SLC35D4: variants seen among roughly 807,000 people sequenced by gnomAD.
SLC35D4 encodes UDP-N-acetylglucosamine transporter SLC35D4.
the SLC35D4 span, among the ~76,000 whole-genome samples, chr18:23,344,551 CT>C: frequency 1.4e-5 from 2 of 143,720 alleles, no homozygotes; most frequent in African/African-American, 5.2e-5. Context: ...CAGATATTTT[CT>C]CCTAGGCTGT....
the SLC35D4 span, among the ~76,000 whole-genome samples, chr18:23,363,120 C>A: frequency 2.6e-5 from 4 of 151,500 alleles, no homozygotes; most frequent in East Asian, 5.9e-4. Flanking sequence ...TGGCAGGTGC[C>A]TATAATCCCA....
the SLC35D4 span, among the ~76,000 whole-genome samples, chr18:23,370,905 A>G: frequency 6.6e-6 from 1 of 152,206 alleles, no homozygotes; most frequent in South Asian, 2.1e-4. Flanking sequence ...TTGGAAATGG[A>G]AACATTTGAG....
chr18:23,254,804 T>A, the SLC35D4 span, among the ~76,000 whole-genome samples: 1 of 152,160 alleles, frequency 6.6e-6, no homozygotes, highest in Non-Finnish European at 1.5e-5. Flanking sequence ...CATCTAGACC[T>A]AATCACTCCC....
At chr18:23,288,010 C>A in the SLC35D4 span, among the ~76,000 whole-genome samples, 1 of 152,188 alleles carries the variant, frequency 6.6e-6, no homozygotes, top group Non-Finnish European at 1.5e-5. Context: ...TATTTTCTTC[C>A]TCACACCTGA....
At chr18:23,363,821 G>T in the SLC35D4 span, among the ~76,000 whole-genome samples, 1 of 152,142 alleles carries the variant, frequency 6.6e-6, no homozygotes, top group Admixed American at 6.5e-5. Context: ...GCCATTTAGG[G>T]TTACCAGTAT....
chr18:23,275,114 G>A, the SLC35D4 span, among the ~76,000 whole-genome samples: 1 of 151,544 alleles, frequency 6.6e-6, no homozygotes, highest in Non-Finnish European at 1.5e-5. Flanking sequence ...TTTTGTGTGT[G>A]CATGTGTGTG....
the SLC35D4 span, among the ~76,000 whole-genome samples, chr18:23,301,769 ACC>A: frequency 6.6e-6 from 1 of 152,224 alleles, no homozygotes; most frequent in Admixed American, 6.5e-5. Context: ...TGACAAGGAT[ACC>A]GCTCTCAGGT....
the SLC35D4 span, among the ~76,000 whole-genome samples, chr18:23,373,540 G>C: frequency 6.6e-6 from 1 of 152,198 alleles, no homozygotes; most frequent in Non-Finnish European, 1.5e-5. Flanking sequence ...CAAAGGCCTG[G>C]GGAAATGGTG....
the SLC35D4 span, among the ~76,000 whole-genome samples, chr18:23,294,513 C>G: frequency 6.6e-6 from 1 of 152,186 alleles, no homozygotes; most frequent in Non-Finnish European, 1.5e-5. Context: ...TTATCCTCTG[C>G]CTCTTGCTGG....
At chr18:23,246,461 G>A in the SLC35D4 span, among the ~76,000 whole-genome samples, 1 of 151,896 alleles carries the variant, frequency 6.6e-6, no homozygotes, top group East Asian at 1.9e-4. Flanking sequence ...GCAAGATCTT[G>A]GCTCACTGCA....
At chr18:23,308,882 G>GTC in the SLC35D4 span, among the ~76,000 whole-genome samples, 1 of 134,168 alleles carries the variant, frequency 7.5e-6, no homozygotes, top group Non-Finnish European at 1.6e-5. Flanking sequence ...CTCTCTGTGT[G>GTC]TGTGTGTGTG....
At chr18:23,298,318 G>A in the SLC35D4 span, among the ~76,000 whole-genome samples, 27 of 152,274 alleles carry the variant, frequency 1.8e-4, no homozygotes, top group South Asian at 4.4e-3. Context: ...AAGGTGAAGC[G>A]TCCCACACAT....
chr18:23,356,784 A>G, the SLC35D4 span: 4 of 768,938 alleles, frequency 5.2e-6, no homozygotes, highest in Non-Finnish European at 8.7e-6. This position sits in a 1 kb window ranked among gnomAD's most constrained non-coding sequence, Gnocchi z 4.1. Flanking sequence ...GTCCCCTGGC[A>G]TTGAATTCAC....
the SLC35D4 span, among the ~76,000 whole-genome samples, chr18:23,353,076 A>T: frequency 4.7e-4 from 59 of 126,604 alleles, no homozygotes; most frequent in African/African-American, 1.6e-3. Context: ...TGAGACAGAC[A>T]GTGTGTGTGT....
the SLC35D4 span, among the ~76,000 whole-genome samples, chr18:23,393,254 C>T: frequency 6.6e-6 from 1 of 151,746 alleles, no homozygotes; most frequent in East Asian, 1.9e-4. Flanking sequence ...ATATACATCA[C>T]AAAAAGTTGC....
At chr18:23,421,353 T>C in the SLC35D4 span, 1 of 1,610,964 alleles carries the variant, frequency 6.2e-7, no homozygotes, top group Non-Finnish European at 8.5e-7. Flanking sequence ...GAGTCCAGCA[T>C]AGAGAGGTTA....
chr18:23,248,250 G>T, the SLC35D4 span, among the ~76,000 whole-genome samples: 1 of 152,196 alleles, frequency 6.6e-6, no homozygotes, highest in Non-Finnish European at 1.5e-5. Flanking sequence ...CCTTTATGGG[G>T]ATCAGAAGCT....
chr18:23,298,580 T>C, the SLC35D4 span, among the ~76,000 whole-genome samples: 2 of 152,148 alleles, frequency 1.3e-5, no homozygotes, highest in Non-Finnish European at 1.5e-5. Flanking sequence ...GAAAGAAACA[T>C]GGCCAGTGAT....
chr18:23,437,125 AGCCAGCTT>A, the SLC35D4 span, among the ~76,000 whole-genome samples: 1 of 152,228 alleles, frequency 6.6e-6, no homozygotes, highest in Non-Finnish European at 1.5e-5. Context: ...CCAAACCTAA[AGCCAGCTT>A]CCCTCTCCTT....
Sources: gnomAD v4.1 joint callset for allele counts (sites outside exome capture counted in the v4.1 genomes callset) on GRCh38, gnomAD v4.1.1 for gene constraint, Gnocchi (gnomAD v3.1) non-coding constraint, MANE v1.5 for transcripts, NCBI Gene and HGNC (gene_info 2026-07-23, HGNC 2026-07-21) for gene names.